Variants in TRPC4AP observed in about 807,000 individuals in gnomAD.
TRPC4AP encodes transient receptor potential cation channel subfamily C member 4 associated protein.
TRPC4AP carries 45 observed loss-of-function variants against 99.0 expected under a neutral mutation model. The ratio of observed to expected loss-of-function variants is 0.45; its 90% CI spans 0.36 to 0.58. TRPC4AP has a LOEUF of 0.58. TRPC4AP is among the 20% of genes least tolerant of loss of function. The pLI is 0.00. For missense variants in TRPC4AP, 879 were observed against 985.3 expected, an observed-to-expected ratio of 0.89 and a Z score of 1.44; for synonymous variants, 408 against 385.8, an observed-to-expected ratio of 1.06 and a Z score of -0.67.
intron 8 of TRPC4AP, among the ~76,000 whole-genome samples, chr20:35,031,133 T>C (rs1221066711): frequency 9.9e-5 from 15 of 152,220 alleles, no homozygotes; most frequent in Admixed American, 9.8e-4. Flanking sequence ...CTGCCTTCCA[T>C]TATTCCTGAT....
intron 1 of TRPC4AP, 70 bp from the exon 2 acceptor site, chr20:35,078,244 G>C: frequency 1.3e-6 from 2 of 1,535,932 alleles, no homozygotes; most frequent in Non-Finnish European, 1.8e-6. Flanking sequence ...GCAAAGGAGA[G>C]CAGCCGACTT....
intron 10 of TRPC4AP, among the ~76,000 whole-genome samples, chr20:35,015,503 C>G (rs865841420): frequency 1.1e-4 from 15 of 134,130 alleles, no homozygotes; most frequent in African/African-American, 4.1e-4. Flanking sequence ...CACTTTGTTA[C>G]GCAGGCTGGA....
chr20:35,018,545 G>A (rs1178891171), intron 9 of TRPC4AP, among the ~76,000 whole-genome samples: 3 of 144,556 alleles, frequency 2.1e-5, no homozygotes, highest in African/African-American at 7.8e-5. Flanking sequence ...GCAGTGAGCC[G>A]AGGTCATGTC....
rs2082751307 is a variant in TRPC4AP at position 35,016,224 on chromosome 20, G to A, written c.1219-85C>T. 4.0e-6 allele frequency: 6 copies of A among 1,511,472 alleles called. No individual in the cohort carries two copies. In the Admixed American group the frequency reaches 1.0e-4, roughly 26 times the overall value. 93.6% of individuals were successfully genotyped at this position (1,511,472 alleles called of 1,614,324 possible). On this transcript the variant is annotated intron_variant, in intron 9 of 18. Coordinates refer to ENST00000252015, the MANE Select transcript of TRPC4AP (RefSeq NM_015638.3). ...CCTCGTGCTCAGTACACACGATAAT[G>A]ATATTCAGGACAAGTATCAGTACTG...
intron 8 of TRPC4AP, among the ~76,000 whole-genome samples, chr20:35,033,678 T>C (rs2083253325): frequency 1.3e-5 from 2 of 152,096 alleles, no homozygotes; most frequent in Admixed American, 1.3e-4. Context: ...GGCCTGTAGA[T>C]CACCCTGTTC....
At chr20:35,037,915 C>T (rs1223395280) in intron 7 of TRPC4AP, among the ~76,000 whole-genome samples, 1 of 151,958 alleles carries the variant, frequency 6.6e-6, no homozygotes, top group Admixed American at 6.6e-5. Context: ...TGTGCAAGTA[C>T]ACTCTATGAC....
At chr20:35,084,474 ATATGTGTATATATGTATATATC>A (rs1482619778) in intron 1 of TRPC4AP, among the ~76,000 whole-genome samples, 10 of 119,512 alleles carry the variant, frequency 8.4e-5, no homozygotes, top group Non-Finnish European at 1.9e-4. Flanking sequence ...ATATATGTAT[ATATGTGTATATATGTATATATC>A]TATATATGTA....
chr20:35,066,970 A>G (rs6060199), intron 3 of TRPC4AP, among the ~76,000 whole-genome samples: 59,933 of 152,056 alleles, frequency 0.39, 12,981 homozygotes, highest in East Asian at 0.59. Flanking sequence ...TCATAGAAGA[A>G]TGAATTTTAA....
chr20:35,038,163 CTG>C (rs1178410786), intron 7 of TRPC4AP, among the ~76,000 whole-genome samples: 1 of 150,488 alleles, frequency 6.6e-6, no homozygotes, highest in Non-Finnish European at 1.5e-5. Context: ...CTGCACAACA[CTG>C]TAAATGTACT....
At chr20:35,081,482 C>T (rs959139349) in intron 1 of TRPC4AP, among the ~76,000 whole-genome samples, 7 of 151,726 alleles carry the variant, frequency 4.6e-5, no homozygotes, top group Non-Finnish European at 8.8e-5. Flanking sequence ...TACCATACTC[C>T]AGCCCGGGCA....
rs1310457633 is a variant in TRPC4AP, at chr20:35,016,056, T to C, written c.1302A>G (p.Ala434=). The part of the protein sequence containing the change: ...FDKLIWRKHS[A]SALVLHGHNQ... ...TGTGACCATGGAGGACAAGGGCAGA[T>C]GCTGAATGCTTCCTCCAAATCAGTT... Residue 434 remains alanine, a synonymous_variant, in exon 10 of 19, where the codon GCA becomes GCG. Transcript: ENST00000252015. The C allele has an allele frequency of 1.2e-6, 2 of 1,614,232 alleles. No individual in the cohort carries two copies.
At chr20:35,081,714 T>C (rs2084651981) in intron 1 of TRPC4AP, among the ~76,000 whole-genome samples, 1 of 151,976 alleles carries the variant, frequency 6.6e-6, no homozygotes, top group African/African-American at 2.4e-5. Context: ...AAGCCAGGCA[T>C]GGTGGCTCAC....
intron 6 of TRPC4AP, 132 bp downstream of exon 6, chr20:35,049,734 C>G: frequency 9.2e-7 from 1 of 1,087,358 alleles, no homozygotes; most frequent in Non-Finnish European, 1.3e-6. Context: ...AAGTTTTATA[C>G]TTGAATACAT....
chr20:35,021,301 C>A lies in TRPC4AP; in HGVS notation c.1107G>T (p.Thr369=), dbSNP rs555095334. The A allele has an allele frequency of 6.2e-7, 1 of 1,614,170 alleles. No homozygotes were observed. Among genetic ancestry groups the A allele is most frequent in the East Asian group, 2.2e-5 (1 of 44,880 alleles). The change falls in exon 9 of 19, where the codon ACG becomes ACT. Residue 369 remains threonine (T), a synonymous_variant. Coordinates refer to ENST00000252015, the MANE Select transcript of TRPC4AP (RefSeq NM_015638.3). ...ACTGGGGCAGCTGGGTTCTGGCTGA[C>A]GTGTGAGGCAGGCCATTCTCCTCAG... ...GASEENGLPH[T]SARTQLPQSM... is the part of the protein sequence containing the mutation.
At position 35,038,761 on chromosome 20, in the gene TRPC4AP, T is replaced by C. The variant is rs537218474; in HGVS notation, c.866-3453A>G. 1.0e-4 allele frequency among the ~76,000 whole-genome samples: 13 copies of C among 127,694 alleles called. 1 individual carries two copies. In the South Asian group the frequency reaches 3.0e-3, roughly 30 times the overall value. 83.8% of individuals were successfully genotyped at this position (127,694 alleles called of 152,430 possible). ...TATCATTTAAAAAAAATTTTAGGTG[T>C]GTATTATTTTTTCTAAAAACAAATC... On this transcript the variant is annotated intron_variant, in intron 7 of 18. Transcript: ENST00000252015.
chr20:35,069,546 C>T lies in TRPC4AP; in HGVS notation c.298-134G>A, dbSNP rs2084250185. ...AGACAGTCCCCAATGAACCACACTT[C>T]CTAGTATTCAGGCCCCTGTAAAGCC... On this transcript the variant is annotated intron_variant, in intron 2 of 18. Coordinates refer to ENST00000252015, the MANE Select transcript of TRPC4AP (RefSeq NM_015638.3). The T allele has an allele frequency of 1.3e-5, 8 of 627,804 alleles. No homozygotes were observed. In the East Asian group the frequency reaches 2.1e-4, roughly 17 times the overall value. The allele number at this position is 627,804 out of a possible 1,614,324, so 38.9% of individuals were successfully genotyped here. A position where few individuals can be genotyped will look rare whatever the true frequency, so the allele number is the denominator to read the frequency against.
intron 3 of TRPC4AP, among the ~76,000 whole-genome samples, chr20:35,065,376 T>G (rs974610879): frequency 1.3e-5 from 2 of 152,204 alleles, no homozygotes; most frequent in African/African-American, 2.4e-5. Context: ...TCTGCTTCAC[T>G]CCACTTAGTT....
rs1308040155 is a variant in TRPC4AP, at chr20:35,006,429, C to A, written c.1827+6G>T. On this transcript the variant is annotated splice_donor_region_variant and intron_variant, in intron 15 of 18. Transcript: ENST00000252015. ...CACACTCCACAGAGCCCTGGGTTAACTTTACCTTTGCATCGGTGTTGATAT... is the reference window on the plus strand; with the variant it reads ...CACACTCCACAGAGCCCTGGGTTAAATTTACCTTTGCATCGGTGTTGATAT... The A allele has an allele frequency of 6.2e-7, 1 of 1,613,942 alleles. No homozygotes were observed. The highest frequency in any genetic ancestry group is 8.5e-7 in the Non-Finnish European group (1 of 1,179,848).
At chr20:35,009,050 G>C (rs1037496635) in intron 12 of TRPC4AP, among the ~76,000 whole-genome samples, 2 of 152,228 alleles carry the variant, frequency 1.3e-5, no homozygotes, top group Non-Finnish European at 2.9e-5. Flanking sequence ...TGTTGAAACA[G>C]GTCATGCCAG....
Sources: gnomAD v4.1 joint callset for allele counts (sites outside exome capture counted in the v4.1 genomes callset) on GRCh38, gnomAD v4.1.1 for gene constraint, MANE v1.5 for transcripts, NCBI Gene and HGNC (gene_info 2026-07-23, HGNC 2026-07-21) for gene names.